RNF123: variants seen among roughly 807,000 people sequenced by gnomAD.
RNF123 encodes the protein E3 ubiquitin-protein ligase RNF123.
In RNF123, 86 loss-of-function variants were observed where a neutral mutation model predicts 168.5. That is an observed-to-expected ratio of 0.51 (90% CI 0.43 to 0.61). The LOEUF is 0.61. RNF123 is among the 20% of genes least tolerant of loss of function. RNF123 has a pLI of 0.00. For missense variants in RNF123, 1,419 were observed against 1,729.7 expected (o/e 0.82, Z 3.19); for synonymous variants, 666 against 689.1 (o/e 0.97, Z 0.52).
Position 49,695,056 on chromosome 3 carries a change from T to G in RNF123, c.168-2087T>G, listed in dbSNP as rs557152657. On this transcript the variant is annotated intron_variant, in intron 3 of 38. Transcript: ENST00000327697. ...CGACTGCCCACAGATATGTGCAGTCTGCTCTCAGGATCAGGCACACGACTT... is the reference window on the plus strand; with the variant it reads ...CGACTGCCCACAGATATGTGCAGTCGGCTCTCAGGATCAGGCACACGACTT... Among the ~76,000 whole-genome samples, 4 of 152,366 alleles carry G rather than the reference T, an allele frequency of 2.6e-5. No homozygotes were observed. The East Asian group carries it at 7.7e-4, about 29-fold the overall frequency.
Position 49,700,512 on chromosome 3 carries a change from C to T in RNF123, c.1151C>T (p.Ser384Phe). 1.9e-6 allele frequency: 3 copies of T among 1,614,184 alleles called. No homozygotes were observed. Among genetic ancestry groups the T allele is most frequent in the Non-Finnish European group, 2.5e-6 (3 of 1,180,022 alleles). Residue 384 changes from serine (S) to phenylalanine (F), a missense_variant, in exon 14 of 39, where the codon TCT (serine) becomes TTT (phenylalanine). Transcript: ENST00000327697. ...GATTGCCTCAAGCAGTTGATGATGT[C>T]TCTGCTTCGGCTGTACCGATTCTCA... ...VQDCLKQLMM[S>F]LLRLYRFSPI...
chr3:49,720,378 G>A (rs2080373298), intron 35 of RNF123, 133 bp from the exon 36 acceptor site: 4 of 900,940 alleles, frequency 4.4e-6, no homozygotes, highest in African/African-American at 3.3e-5. Context: ...TGGGGTTTGG[G>A]AAGCAGGGAG....
At position 49,720,545 on chromosome 3, in the gene RNF123, C is replaced by A; in HGVS notation, c.3535C>A (p.Pro1179Thr). The change falls in exon 36 of 39, where the codon CCC (proline) becomes ACC (threonine). Residue 1179 changes from proline to threonine, a missense_variant. Around this residue, in one of 5 missense-constraint regions of RNF123, gnomAD observed 164 missense variants for 152.3 expected, o/e 1.08. Coordinates refer to ENST00000327697, the MANE Select transcript of RNF123 (RefSeq NM_022064.5). ...EQATSVLLAD[P>T]CFQLRSICYL... ...AGCCACATCAGTGCTCCTGGCAGAT[C>A]CCTGCTTCCAGCTACGCTCAATATG... 1 of 1,608,696 alleles carries A rather than the reference C, an allele frequency of 6.2e-7. No homozygotes were observed. The highest frequency in any genetic ancestry group is 8.5e-7 in the Non-Finnish European group (1 of 1,176,690).
rs1020067036 is a variant in RNF123 at position 49,705,534 on chromosome 3, T to C, written c.2159T>C (p.Ile720Thr). The C allele has an allele frequency of 6.3e-7, 1 of 1,589,690 alleles. No individual in the cohort carries two copies. Among genetic ancestry groups the C allele is most frequent in the Non-Finnish European group, 8.6e-7 (1 of 1,168,630 alleles). ...LSVEQRTRED[I>T]EGSHWNEGLL... ...GACCCTTCCCTCCCCAACTCCCCAG[T>C]TGAAGGCAGCCACTGGAATGAGGGC... The change falls in exon 24 of 39, where the codon ATT becomes ACT. Residue 720 changes from isoleucine to threonine, a missense_variant and splice_region_variant. Ile to Thr is a moderately conservative substitution (Grantham distance 89). Around this residue, in one of 5 missense-constraint regions of RNF123, gnomAD observed 538 missense variants for 708.8 expected, o/e 0.76. Coordinates refer to ENST00000327697, the MANE Select transcript of RNF123 (RefSeq NM_022064.5).
chr3:49,716,656 C>A (rs1465766289), intron 35 of RNF123, among the ~76,000 whole-genome samples, 179 bp downstream of exon 35: 1 of 152,170 alleles, frequency 6.6e-6, no homozygotes, highest in Non-Finnish European at 1.5e-5. Context: ...GACGGAGCTG[C>A]TCTAAGTAGG....
chr3:49,711,897 C>A (rs1354194780), intron 26 of RNF123, among the ~76,000 whole-genome samples: 2 of 152,104 alleles, frequency 1.3e-5, no homozygotes, highest in African/African-American at 4.8e-5. Context: ...TTACCATCGC[C>A]AGCTCTCTTG....
chr3:49,700,487 G>C lies in RNF123; in HGVS notation c.1126G>C (p.Asp376His). The C allele has an allele frequency of 1.2e-6, 2 of 1,614,154 alleles. No individual in the cohort carries two copies. The highest frequency in any genetic ancestry group is 1.7e-6 in the Non-Finnish European group (2 of 1,180,016). ...WLFMEDYEVQ[D>H]CLKQLMMSLL... is the part of the protein sequence containing the mutation. ...CTTCCCCCAGGACTACGAGGTACAA[G>C]ATTGCCTCAAGCAGTTGATGATGTC... Residue 376 changes from aspartate to histidine, a missense_variant, in exon 14 of 39, where the codon GAT becomes CAT. Coordinates refer to ENST00000327697, the MANE Select transcript of RNF123 (RefSeq NM_022064.5).
Position 49,697,907 on chromosome 3 carries a change from G to A in RNF123, c.365G>A (p.Gly122Asp). 1 of 1,614,152 alleles carries A rather than the reference G, an allele frequency of 6.2e-7. No homozygotes were observed. The highest frequency in any genetic ancestry group is 8.5e-7 in the Non-Finnish European group (1 of 1,180,036). ...LLGVIGHSNFGTIRSTTCVYK... is the reference protein window; with the variant it reads ...LLGVIGHSNFDTIRSTTCVYK... ...CAGGTGATTGGACACAGCAACTTTGGCACCATCCGCTCTACCACATGCGTG... is the reference window on the plus strand; with the variant it reads ...CAGGTGATTGGACACAGCAACTTTGACACCATCCGCTCTACCACATGCGTG... Residue 122 changes from glycine to aspartate, a missense_variant, in exon 6 of 39, where the codon GGC becomes GAC. This residue lies in a region of RNF123 where 318 missense variants were observed against 446.6 expected (regional missense o/e 0.71). Coordinates refer to ENST00000327697, the MANE Select transcript of RNF123 (RefSeq NM_022064.5).
At position 49,693,556 on chromosome 3, in the gene RNF123, C is replaced by T. The variant is rs570174032; in HGVS notation, c.167+2047C>T. On this transcript the variant is annotated intron_variant, in intron 3 of 38. Transcript: ENST00000327697. ...ATTTTTAGTAGAGATGGGGTTTCGCCATGTTGGCCAGGCTGGTCTCGAACT... is the reference window on the plus strand; with the variant it reads ...ATTTTTAGTAGAGATGGGGTTTCGCTATGTTGGCCAGGCTGGTCTCGAACT... 3.3e-5 allele frequency among the ~76,000 whole-genome samples: 5 copies of T among 151,796 alleles called. No individual in the cohort carries two copies. In the South Asian group the frequency reaches 1.0e-3, roughly 32 times the overall value.
intron 27 of RNF123, 78 bp downstream of exon 27, chr3:49,712,734 C>A: frequency 6.6e-7 from 1 of 1,506,546 alleles, no homozygotes; most frequent in Non-Finnish European, 9.2e-7. Context: ...GGTCTGAGAC[C>A]TCTGTGGCCC....
chr3:49,697,553 TG>T, intron 5 of RNF123, 96 bp downstream of exon 5: 4 of 1,029,162 alleles, frequency 3.9e-6, no homozygotes, highest in Non-Finnish European at 5.6e-6. Context: ...ACTCATCTGA[TG>T]GGGCTGCAGC....
In RNF123 at chr3:49,704,762, G is replaced by A. The variant is rs374766777; in HGVS notation, c.1959+6G>A. The A allele has an allele frequency of 2.8e-4, 431 of 1,565,650 alleles. No individual in the cohort carries two copies. The highest frequency in any genetic ancestry group is 6.7e-4 in the Middle Eastern group (4 of 5,986). On this transcript the variant is annotated splice_donor_region_variant and intron_variant, in intron 22 of 38. Coordinates refer to ENST00000327697, the MANE Select transcript of RNF123 (RefSeq NM_022064.5). ...CAGCCCCAGCTATGGCCCAGGTGCC[G>A]CAGTGGGGGCAGGCGGTGGGATTTG...
At chr3:49,712,379 G>T in intron 26 of RNF123, 100 bp from the exon 27 acceptor site, 1 of 1,132,114 alleles carries the variant, frequency 8.8e-7, no homozygotes, top group South Asian at 1.4e-5. Context: ...CAGTTGTGCT[G>T]TCGTAGGCCT....
Position 49,699,368 on chromosome 3 carries a change from C to T in RNF123, c.765-100C>T. The T allele has an allele frequency of 9.0e-7, 1 of 1,116,730 alleles. No homozygotes were observed. Among genetic ancestry groups the T allele is most frequent in the Non-Finnish European group, 1.3e-6 (1 of 769,956 alleles). The allele number at this position is 1,116,730 out of a possible 1,614,324, so 69.2% of individuals were successfully genotyped here. On this transcript the variant is annotated intron_variant, in intron 10 of 38. Transcript: ENST00000327697. This position sits in a 1 kb window ranked among gnomAD's most constrained non-coding sequence, Gnocchi z 4.8. The stretch of plus-strand genomic sequence containing the variant: ...TGGGCAAGTTGTGATGCAAACCAGC[C>T]CTGCCCTAGAGCCCAGGCCCCGGGG...
intron 27 of RNF123, 36 bp downstream of exon 27, chr3:49,712,692 A>G (rs755351995): frequency 6.2e-7 from 1 of 1,612,242 alleles, no homozygotes; most frequent in Non-Finnish European, 8.5e-7. Context: ...AGAAGCAGAA[A>G]AGGGGTCTCT....
chr3:49,716,267 C>T (rs750949899), intron 34 of RNF123, 90 bp downstream of exon 34: 30 of 1,559,234 alleles, frequency 1.9e-5, no homozygotes, highest in South Asian at 5.6e-5. Context: ...ATTCTGCCCC[C>T]GGACAGCCAG....
chr3:49,706,673 G>T lies in RNF123; in HGVS notation c.2389-118G>T, dbSNP rs550205603. The T allele has an allele frequency of 6.0e-6, 5 of 837,454 alleles. No individual in the cohort carries two copies. The East Asian group carries it at 1.2e-4, about 21-fold the overall frequency. 51.9% of individuals were successfully genotyped at this position (837,454 alleles called of 1,614,324 possible). On this transcript the variant is annotated intron_variant, in intron 25 of 38. Coordinates refer to ENST00000327697, the MANE Select transcript of RNF123 (RefSeq NM_022064.5). ...GCAGAAGAAGGTTTTGAAAAATGGA[G>T]CCCAATCCCTTGCCTGCTCCAGGCA... is the stretch of plus-strand genomic sequence containing the variant.
intron 35 of RNF123, chr3:49,718,228 G>A (rs534126431): frequency 1.9e-6 from 3 of 1,610,822 alleles, no homozygotes; most frequent in Non-Finnish European, 2.5e-6. Flanking sequence ...GCAGCGGCAG[G>A]CACGGCGGCA....
At position 49,697,795 on chromosome 3, in the gene RNF123, G is replaced by C. The variant is rs577697681; in HGVS notation, c.343-90G>C. On this transcript the variant is annotated intron_variant, in intron 5 of 38. Transcript: ENST00000327697. ...GGCCGCCACAGGCAAATACCACCAG[G>C]GCTGGCTCAGTTGGGGATGGGGTCT... The C allele has an allele frequency of 9.3e-6, 14 of 1,506,880 alleles. No homozygotes were observed. The Admixed American group carries it at 2.3e-4, about 25-fold the overall frequency. 93.3% of individuals were successfully genotyped at this position (1,506,880 alleles called of 1,614,324 possible).
Sources: allele counts gnomAD v4.1 joint callset (sites outside exome capture counted in the v4.1 genomes callset), GRCh38; gene constraint gnomAD v4.1.1; regional missense constraint gnomAD v4.1.1; non-coding constraint Gnocchi (gnomAD v3.1); transcripts MANE v1.5; gene names NCBI Gene and HGNC (gene_info 2026-07-23, HGNC 2026-07-21).